The following GLIS3 variants were observed in gnomAD, a reference collection of about 807,000 sequenced individuals.
The protein encoded by GLIS3 is zinc finger protein GLIS3.
A neutral mutation model predicts 78.6 loss-of-function variants in GLIS3; 53 were observed. That is an observed-to-expected ratio of 0.67 (90% CI 0.54 to 0.85). The LOEUF (loss-of-function observed/expected upper bound fraction) is 0.85, where lower values mean the gene tolerates loss of function less well. Among genes scored for constraint, GLIS3 ranks in the 40% least tolerant of loss-of-function variants. GLIS3 has a pLI of 0.00. For missense variants in GLIS3, 1,703 were observed against 1,231.1 expected (o/e 1.38, Z -5.74); for synonymous variants, 684 against 509.9 (o/e 1.34, Z -4.60).
intron 4 of GLIS3, among the ~76,000 whole-genome samples, chr9:4,079,607 T>C (rs1464880486): frequency 6.6e-6 from 1 of 152,190 alleles, no homozygotes; most frequent in African/African-American, 2.4e-5. Context: ...ACCAGAGGAA[T>C]GCCTTTATCC....
chr9:4,310,634 G>A, intron 2 of GLIS3: 1 of 152,258 alleles, frequency 6.6e-6, no homozygotes. Flanking sequence ...AGACACGGGG[G>A]GAACAGATCC....
chr9:4,029,809 T>C (rs1012086074), intron 4 of GLIS3, among the ~76,000 whole-genome samples: 29 of 152,332 alleles, frequency 1.9e-4, no homozygotes, highest in Non-Finnish European at 3.4e-4. Context: ...TAGGACATTG[T>C]GTATATATAC....
intron 2 of GLIS3, among the ~76,000 whole-genome samples, chr9:4,312,324 C>T (rs1038239417): frequency 1.3e-5 from 2 of 152,080 alleles, no homozygotes; most frequent in Non-Finnish European, 2.9e-5. Context: ...AAAGAAGAGC[C>T]AGGCATGGTG....
chr9:3,958,158 C>T (rs534489752), intron 4 of GLIS3, among the ~76,000 whole-genome samples: 1 of 152,304 alleles, frequency 6.6e-6, no homozygotes, highest in East Asian at 1.9e-4. Flanking sequence ...CTGCCATACA[C>T]AACTACCAAG....
At chr9:4,111,845 G>A (rs1212002890) in intron 4 of GLIS3, among the ~76,000 whole-genome samples, 6 of 152,216 alleles carry the variant, frequency 3.9e-5, no homozygotes, top group Admixed American at 1.3e-4. Context: ...TTTACCAGAT[G>A]TTCACTGGTG....
At chr9:4,489,118 C>G in the GLIS3 span, among the ~76,000 whole-genome samples, 2 of 152,062 alleles carry the variant, frequency 1.3e-5, no homozygotes, top group African/African-American at 2.4e-5. Context: ...CCGCTCGCCT[C>G]GGACTCCCAA....
the GLIS3 span, among the ~76,000 whole-genome samples, chr9:4,380,439 C>G: frequency 2.6e-5 from 4 of 152,122 alleles, no homozygotes; most frequent in African/African-American, 9.7e-5. Context: ...GTATTGTTAA[C>G]AACAAAAATA....
In GLIS3 at chr9:3,865,434, A is replaced by G. The variant is rs546630728; in HGVS notation, c.2298-9250T>C. Reference sequence around the variant, plus strand: ...TATGTCAGAGAGGAAGCACTTTGGAATATGTGGATGTCTTGACTCAGGCTA... The same window carrying G: ...TATGTCAGAGAGGAAGCACTTTGGAGTATGTGGATGTCTTGACTCAGGCTA... On this transcript the variant is annotated intron_variant, in intron 8 of 10. Transcript: ENST00000381971. Among the ~76,000 whole-genome samples the G allele has an allele frequency of 8.5e-5, 13 of 152,316 alleles. No individual in the cohort carries two copies. The South Asian group carries it at 2.3e-3, about 27-fold the overall frequency.
intron 9 of GLIS3, among the ~76,000 whole-genome samples, chr9:3,836,730 G>C (rs776106165): frequency 5.3e-5 from 8 of 152,192 alleles, no homozygotes; most frequent in Non-Finnish European, 1.0e-4. Context: ...CAAGACGAGA[G>C]CCATATGCTG....
intron 4 of GLIS3, among the ~76,000 whole-genome samples, chr9:4,088,891 C>T (rs1447947563): frequency 1.3e-5 from 2 of 152,190 alleles, no homozygotes; most frequent in Non-Finnish European, 2.9e-5. Flanking sequence ...GATGCCAGTC[C>T]AAAGGGCTTC....
chr9:4,197,936 G>T (rs984382232), intron 2 of GLIS3, among the ~76,000 whole-genome samples: 1 of 138,870 alleles, frequency 7.2e-6, no homozygotes, highest in Non-Finnish European at 1.6e-5. Flanking sequence ...AAGGGAAAGG[G>T]AGAGGGAAAG....
At chr9:4,053,347 C>T (rs547131610) in intron 4 of GLIS3, among the ~76,000 whole-genome samples, 328 of 152,238 alleles carry the variant, frequency 2.2e-3, no homozygotes, top group Non-Finnish European at 3.9e-3. Flanking sequence ...TCACTGACCA[C>T]CTCCTGAGAC....
At chr9:3,947,992 A>T (rs1331914008) in intron 4 of GLIS3, among the ~76,000 whole-genome samples, 1 of 152,214 alleles carries the variant, frequency 6.6e-6, no homozygotes, top group African/African-American at 2.4e-5. Flanking sequence ...TATGAAAATA[A>T]TGGAACTCAA....
chr9:4,022,504 A>C (rs1487908395), intron 4 of GLIS3, among the ~76,000 whole-genome samples: 2 of 152,124 alleles, frequency 1.3e-5, no homozygotes, highest in Non-Finnish European at 2.9e-5. Flanking sequence ...ATTTAGCAAA[A>C]ATGCCCTGTC....
In GLIS3 at chr9:4,235,318, T is replaced by G. The variant is rs917684003; in HGVS notation, c.388+50720A>C. On this transcript the variant is annotated intron_variant, in intron 2 of 10. Coordinates refer to ENST00000381971, the MANE Select transcript of GLIS3 (RefSeq NM_001042413.2). ...TGTCTCAAAAAAAAAAAAAAAAAAC[T>G]GATGGGGGGAGTCATTGAGTGGGTA... 5.6e-5 allele frequency among the ~76,000 whole-genome samples: 4 copies of G among 70,798 alleles called. No individual in the cohort carries two copies. In the Admixed American group the frequency reaches 6.0e-4, roughly 11 times the overall value. The allele number at this position is 70,798 out of a possible 152,430, so 46.4% of individuals were successfully genotyped here.
chr9:4,424,562 TTTTG>T, the GLIS3 span, among the ~76,000 whole-genome samples: 10 of 152,066 alleles, frequency 6.6e-5, no homozygotes, highest in East Asian at 1.9e-4. Flanking sequence ...TTGCTTTTGT[TTTTG>T]TTTGTTTGTT....
At chr9:4,104,112 G>A (rs930028433) in intron 4 of GLIS3, among the ~76,000 whole-genome samples, 6 of 152,072 alleles carry the variant, frequency 3.9e-5, no homozygotes, top group African/African-American at 9.7e-5. Flanking sequence ...AATTTTAGAT[G>A]TTACCTAGAA....
At chr9:4,214,818 A>G (rs1820677536) in intron 2 of GLIS3, among the ~76,000 whole-genome samples, 1 of 152,206 alleles carries the variant, frequency 6.6e-6, no homozygotes, top group Admixed American at 6.5e-5. Context: ...TTAGAATACA[A>G]AATGCATTTC....
intron 4 of GLIS3, among the ~76,000 whole-genome samples, chr9:4,079,987 G>C (rs1198282568): frequency 1.3e-5 from 2 of 152,178 alleles, no homozygotes; most frequent in Non-Finnish European, 2.9e-5. Flanking sequence ...TCCTCCTTAA[G>C]GGTGGAAAAT....
Sources: allele counts gnomAD v4.1 joint callset (sites outside exome capture counted in the v4.1 genomes callset), GRCh38; gene constraint gnomAD v4.1.1; transcripts MANE v1.5; gene names NCBI Gene and HGNC (gene_info 2026-07-23, HGNC 2026-07-21).